Variants in SCFD2 observed in about 807,000 individuals in gnomAD.
SCFD2 encodes the protein sec1 family domain containing 2.
Under a neutral mutation model 58.9 loss-of-function variants are expected in SCFD2, and 54 were observed. The ratio of observed to expected loss-of-function variants is 0.92; its 90% CI spans 0.74 to 1.15. The LOEUF (loss-of-function observed/expected upper bound fraction) is 1.15. Ranked by LOEUF, SCFD2 falls within the 50% of genes most tolerant of loss-of-function variation. The pLI, the probability that SCFD2 is intolerant of heterozygous loss-of-function variation, is 0.00. For missense variants in SCFD2, 805 were observed against 836.6 expected (o/e 0.96, Z 0.47); for synonymous variants, 321 against 335.9 (o/e 0.96, Z 0.49).
chr4:53,217,710 C>G (rs912601992), intron 4 of SCFD2, among the ~76,000 whole-genome samples: 2 of 152,098 alleles, frequency 1.3e-5, no homozygotes, highest in East Asian at 1.9e-4. Context: ...TATTTTGCTC[C>G]TTAGTTGATG....
At chr4:52,999,417 T>C (rs976288258) in intron 5 of SCFD2, among the ~76,000 whole-genome samples, 3 of 152,164 alleles carry the variant, frequency 2.0e-5, no homozygotes, top group African/African-American at 4.8e-5. Flanking sequence ...ACGAAAATGG[T>C]TGGGGGCAGG....
chr4:53,028,453 C>A (rs1194792835), intron 5 of SCFD2, among the ~76,000 whole-genome samples: 1 of 152,112 alleles, frequency 6.6e-6, no homozygotes, highest in Non-Finnish European at 1.5e-5. Flanking sequence ...CTATAGTACT[C>A]CTTCTCTCTC....
intron 4 of SCFD2, among the ~76,000 whole-genome samples, chr4:53,227,380 C>A (rs1560396961): frequency 6.6e-6 from 1 of 152,084 alleles, no homozygotes; most frequent in African/African-American, 2.4e-5. Flanking sequence ...CCAATGTTCA[C>A]AAAGAAATTT....
chr4:53,352,535 G>A, intron 2 of SCFD2, 63 bp downstream of exon 2: 1 of 1,371,892 alleles, frequency 7.3e-7, no homozygotes, highest in South Asian at 1.4e-5. Context: ...GGAATACTCA[G>A]TCTAGGAGAA....
intron 2 of SCFD2, among the ~76,000 whole-genome samples, chr4:53,318,226 T>C (rs1732922153): frequency 1.3e-5 from 2 of 152,212 alleles, no homozygotes; most frequent in South Asian, 2.1e-4. Context: ...CAGACAGCTA[T>C]AGAAAGTTAG....
chr4:53,228,154 A>C (rs569082928), intron 4 of SCFD2, among the ~76,000 whole-genome samples: 13 of 152,190 alleles, frequency 8.5e-5, no homozygotes, highest in Non-Finnish European at 1.9e-4. Context: ...ATTTAAGCCT[A>C]GTTCTTGTCA....
At chr4:52,890,697 G>A (rs1718860281) in intron 7 of SCFD2, among the ~76,000 whole-genome samples, 1 of 152,182 alleles carries the variant, frequency 6.6e-6, no homozygotes, top group Non-Finnish European at 1.5e-5. Context: ...TTTGCTGGCT[G>A]TGATTTTAAG....
intron 4 of SCFD2, among the ~76,000 whole-genome samples, chr4:53,241,712 C>T (rs938217725): frequency 1.3e-5 from 2 of 152,224 alleles, no homozygotes; most frequent in African/African-American, 2.4e-5. Flanking sequence ...TGTGTGTGTG[C>T]ACCCTGTCAT....
rs1433663751 is a variant in SCFD2 at position 52,996,991 on chromosome 4, TAGAATACTC to T, written c.1562-76130_1562-76122del. Among the ~76,000 whole-genome samples the T allele has an allele frequency of 3.9e-5, 6 of 152,156 alleles. No individual in the cohort carries two copies. The East Asian group carries it at 1.2e-3, about 29-fold the overall frequency. On this transcript the variant is annotated intron_variant, in intron 5 of 8. Coordinates refer to ENST00000401642, the MANE Select transcript of SCFD2 (RefSeq NM_152540.4). ...AAAATACTCAGAATAAAAAACAAAATAGAATACTCAGAACAGCAGTGCCATCAGGCACAT... is the reference window on the plus strand; with the variant it reads ...AAAATACTCAGAATAAAAAACAAAATAGAACAGCAGTGCCATCAGGCACAT...
At chr4:52,969,087 T>C (rs974607578) in intron 5 of SCFD2, among the ~76,000 whole-genome samples, 23 of 152,172 alleles carry the variant, frequency 1.5e-4, no homozygotes, top group African/African-American at 4.8e-4. Context: ...TTGGCAAGAA[T>C]CCTGTTAGGT....
At chr4:53,361,851 C>T (rs1214995456) in intron 1 of SCFD2, among the ~76,000 whole-genome samples, 1 of 152,016 alleles carries the variant, frequency 6.6e-6, no homozygotes, top group Non-Finnish European at 1.5e-5. Flanking sequence ...TCAAGAATCT[C>T]GGAAACATTT....
At chr4:53,059,794 A>G (rs1723452667) in intron 5 of SCFD2, among the ~76,000 whole-genome samples, 1 of 152,116 alleles carries the variant, frequency 6.6e-6, no homozygotes, top group Non-Finnish European at 1.5e-5. Context: ...AGTGTACTAT[A>G]TTTTTGTTAA....
At chr4:53,263,679 G>T (rs1464030839) in intron 4 of SCFD2, among the ~76,000 whole-genome samples, 1 of 152,198 alleles carries the variant, frequency 6.6e-6, no homozygotes, top group East Asian at 1.9e-4. Flanking sequence ...ACTCTGTGAG[G>T]GTCCTTGGTT....
rs546385077 is a variant in SCFD2 at position 53,136,733 on chromosome 4, C to CAA, written c.1561+8599_1561+8600insTT. ...AAATCAGCACACAACTACTAAGAGT[C>CAA]AGAGTCAAAACCAGAACCCAGATCC... is the stretch of plus-strand genomic sequence containing the variant. On this transcript the variant is annotated intron_variant, in intron 5 of 8. Coordinates refer to ENST00000401642, the MANE Select transcript of SCFD2 (RefSeq NM_152540.4). Among the ~76,000 whole-genome samples, 45 of 152,308 alleles carry CAA rather than the reference C, an allele frequency of 3.0e-4. No homozygotes were observed. In the East Asian group the frequency reaches 7.3e-3, roughly 25 times the overall value.
chr4:53,163,390 G>A (rs1030835048), intron 4 of SCFD2, among the ~76,000 whole-genome samples: 1 of 151,992 alleles, frequency 6.6e-6, no homozygotes, highest in African/African-American at 2.4e-5. Context: ...ATGAACCACC[G>A]CTCCTCTAAG....
intron 5 of SCFD2, among the ~76,000 whole-genome samples, chr4:53,004,341 A>G (rs1721925135): frequency 6.6e-6 from 1 of 152,168 alleles, no homozygotes; most frequent in African/African-American, 2.4e-5. Context: ...TCAATTACCC[A>G]TGTCTGCTTA....
At chr4:53,303,539 T>C (rs1366990988) in intron 3 of SCFD2, among the ~76,000 whole-genome samples, 3 of 152,172 alleles carry the variant, frequency 2.0e-5, no homozygotes, top group Admixed American at 1.3e-4. Flanking sequence ...TGGAAGTCAG[T>C]GTGGCGATTC....
At chr4:53,019,308 C>A (rs1722290513) in intron 5 of SCFD2, among the ~76,000 whole-genome samples, 1 of 151,926 alleles carries the variant, frequency 6.6e-6, no homozygotes, top group Non-Finnish European at 1.5e-5. Flanking sequence ...TTGGGAAGTA[C>A]CTTTCATATA....
chr4:53,057,735 G>C (rs979476448), intron 5 of SCFD2, among the ~76,000 whole-genome samples: 13 of 152,210 alleles, frequency 8.5e-5, no homozygotes, highest in Non-Finnish European at 1.3e-4. Context: ...ATAAAAGAAA[G>C]AAGTAGGTAT....
Sources: allele counts gnomAD v4.1 joint callset (sites outside exome capture counted in the v4.1 genomes callset), GRCh38; gene constraint gnomAD v4.1.1; transcripts MANE v1.5; gene names NCBI Gene and HGNC (gene_info 2026-07-23, HGNC 2026-07-21).